SPAG16: variants seen among roughly 807,000 people sequenced by gnomAD.
The protein encoded by SPAG16 is sperm associated antigen 16.
A neutral mutation model predicts 80.4 loss-of-function variants in SPAG16; 86 were observed. The observed-to-expected ratio is 1.07, with a 90% CI of 0.90 to 1.28. The LOEUF is 1.28. SPAG16 is among the 50% of genes most tolerant of loss of function. SPAG16 has a pLI of 0.00. For synonymous variants in SPAG16, 294 were observed against 265.9 expected (o/e 1.11, Z -1.03); for missense variants, 870 against 765.3 (o/e 1.14, Z -1.61).
intron 15 of SPAG16, among the ~76,000 whole-genome samples, chr2:214,206,092 A>G (rs1241008479): frequency 6.6e-6 from 1 of 152,132 alleles, no homozygotes; most frequent in Non-Finnish European, 1.5e-5. Flanking sequence ...CATAATCAGG[A>G]GGCTGAGGCA....
chr2:214,382,763 G>A (rs558043531), intron 15 of SPAG16, among the ~76,000 whole-genome samples: 5 of 152,264 alleles, frequency 3.3e-5, no homozygotes, highest in African/African-American at 1.2e-4. Context: ...TCAATATGCA[G>A]CCAGACAATA....
At chr2:213,346,667 T>C (rs183822640) in intron 6 of SPAG16, among the ~76,000 whole-genome samples, 1 of 152,346 alleles carries the variant, frequency 6.6e-6, no homozygotes, top group Admixed American at 6.5e-5. Context: ...GCTCTGTTTA[T>C]ATGCTGGATT....
In SPAG16 at chr2:213,779,240, C is replaced by T. The variant is rs576290524; in HGVS notation, c.1071-83245C>T. On this transcript the variant is annotated intron_variant, in intron 10 of 15. Coordinates refer to ENST00000331683, the MANE Select transcript of SPAG16 (RefSeq NM_024532.5). Reference sequence around the variant, plus strand: ...ATGTCCTTTATTGAGTTCTTAAATACGTCTGTTTCTTCTACATTAGAATTG... The same window carrying T: ...ATGTCCTTTATTGAGTTCTTAAATATGTCTGTTTCTTCTACATTAGAATTG... 1.8e-4 allele frequency among the ~76,000 whole-genome samples: 27 copies of T among 152,194 alleles called. No individual in the cohort carries two copies. In the East Asian group the frequency reaches 2.1e-3, roughly 12 times the overall value.
At chr2:213,402,147 G>A (rs10191502) in intron 9 of SPAG16, among the ~76,000 whole-genome samples, 34,361 of 151,502 alleles carry the variant, frequency 0.23, 4,586 homozygotes, top group Non-Finnish European at 0.31. Flanking sequence ...CCCAAGTTTC[G>A]TCATAATAGG....
intron 11 of SPAG16, among the ~76,000 whole-genome samples, chr2:213,877,131 G>T (rs1165435818): frequency 6.6e-6 from 1 of 152,162 alleles, no homozygotes; most frequent in Non-Finnish European, 1.5e-5. Flanking sequence ...TACTTTTTCT[G>T]CTTAGAATAT....
intron 10 of SPAG16, among the ~76,000 whole-genome samples, chr2:213,618,057 A>G (rs2061655858): frequency 6.6e-6 from 1 of 152,164 alleles, no homozygotes; most frequent in Non-Finnish European, 1.5e-5. Context: ...TGTTTTGTGA[A>G]AACGTAGCAG....
intron 13 of SPAG16, among the ~76,000 whole-genome samples, chr2:214,018,390 T>C (rs944281011): frequency 2.6e-5 from 4 of 152,202 alleles, no homozygotes; most frequent in African/African-American, 9.6e-5. Context: ...AGTTGTTTTT[T>C]ATCCCAGTGG....
intron 12 of SPAG16, among the ~76,000 whole-genome samples, chr2:213,943,354 T>C (rs868712870): frequency 6.6e-6 from 1 of 152,074 alleles, no homozygotes; most frequent in Non-Finnish European, 1.5e-5. Context: ...TGGTAAGAGC[T>C]CAGAAAGTAA....
intron 8 of SPAG16, 30 bp downstream of exon 8, chr2:213,364,175 T>G: frequency 7.4e-7 from 1 of 1,342,854 alleles, no homozygotes; most frequent in South Asian, 1.6e-5. Flanking sequence ...AAGCTCTCAT[T>G]TAATATAGTT....
chr2:213,901,278 C>A (rs2077210536), intron 11 of SPAG16, among the ~76,000 whole-genome samples: 1 of 152,130 alleles, frequency 6.6e-6, no homozygotes, highest in Non-Finnish European at 1.5e-5. Context: ...AAGAAGGAGG[C>A]TTAGTCAGCT....
chr2:214,243,645 T>C (rs1307708047), intron 15 of SPAG16, among the ~76,000 whole-genome samples: 1 of 152,154 alleles, frequency 6.6e-6, no homozygotes, highest in Non-Finnish European at 1.5e-5. Context: ...ACTTCTTGTT[T>C]GGGAATTTAT....
rs190668332 is a variant in SPAG16, at chr2:213,848,590, C to G, written c.1071-13895C>G. Among the ~76,000 whole-genome samples, 31 of 152,294 alleles carry G rather than the reference C, an allele frequency of 2.0e-4. No homozygotes were observed. The East Asian group carries it at 4.4e-3, about 22-fold the overall frequency. On this transcript the variant is annotated intron_variant, in intron 10 of 15. Coordinates refer to ENST00000331683, the MANE Select transcript of SPAG16 (RefSeq NM_024532.5). The stretch of plus-strand genomic sequence containing the variant: ...TTCCATTTATCCATTGTAGTTATAT[C>G]TATCTGGTTGCCACCCCTGAATTCA...
At chr2:213,375,655 A>G (rs1415720798) in intron 9 of SPAG16, among the ~76,000 whole-genome samples, 1 of 152,092 alleles carries the variant, frequency 6.6e-6, no homozygotes, top group Non-Finnish European at 1.5e-5. Context: ...AGAAAATTAC[A>G]TAAAACCTGT....
At chr2:213,921,197 G>GTGTCAAGT (rs2078207622) in intron 11 of SPAG16, among the ~76,000 whole-genome samples, 1 of 152,188 alleles carries the variant, frequency 6.6e-6, no homozygotes, top group African/African-American at 2.4e-5. Flanking sequence ...CCACCTGGTT[G>GTGTCAAGT]TGTCAAGTTG....
chr2:214,024,094 T>G (rs1408062621), intron 13 of SPAG16, among the ~76,000 whole-genome samples: 1 of 151,656 alleles, frequency 6.6e-6, no homozygotes, highest in Non-Finnish European at 1.5e-5. Context: ...CCCAATCAAT[T>G]ATTTAGAATA....
At chr2:213,339,953 C>T (rs1450109048) in intron 5 of SPAG16, among the ~76,000 whole-genome samples, 1 of 152,088 alleles carries the variant, frequency 6.6e-6, no homozygotes, top group Non-Finnish European at 1.5e-5. Flanking sequence ...ATTTTTGGAA[C>T]TACAGGTTTT....
intron 1 of SPAG16, among the ~76,000 whole-genome samples, chr2:213,285,431 A>G (rs949242244): frequency 2.0e-5 from 3 of 152,204 alleles, no homozygotes; most frequent in Non-Finnish European, 2.9e-5. Flanking sequence ...AGAAAAAGAC[A>G]TGTAACTCCT....
At chr2:214,290,724 A>G (rs1335412113) in intron 15 of SPAG16, among the ~76,000 whole-genome samples, 2 of 152,084 alleles carry the variant, frequency 1.3e-5, no homozygotes, top group African/African-American at 4.8e-5. Context: ...GTTTTACTCT[A>G]TTGTAGTCTG....
At chr2:213,286,688 A>G (rs145707583) in intron 1 of SPAG16, among the ~76,000 whole-genome samples, 2 of 152,342 alleles carry the variant, frequency 1.3e-5, no homozygotes, top group African/African-American at 4.8e-5. Flanking sequence ...AATCTACTGC[A>G]TTTGGCCTGG....
Sources: gnomAD v4.1 joint callset for allele counts (sites outside exome capture counted in the v4.1 genomes callset) on GRCh38, gnomAD v4.1.1 for gene constraint, MANE v1.5 for transcripts, NCBI Gene and HGNC (gene_info 2026-07-23, HGNC 2026-07-21) for gene names.